The following MAP4 variants were observed in gnomAD, a reference collection of about 807,000 sequenced individuals.
MAP4 encodes microtubule-associated protein 4.
MAP4 carries 76 observed loss-of-function variants against 170.2 expected under a neutral mutation model. That is an observed-to-expected ratio of 0.45 (90% CI 0.37 to 0.54). The LOEUF (loss-of-function observed/expected upper bound fraction) is 0.54. MAP4 is among the 20% of genes least tolerant of loss of function. MAP4 has a pLI of 0.00. For synonymous variants in MAP4, 909 were observed against 994.5 expected, an observed-to-expected ratio of 0.91 and a Z score of 1.62; for missense variants, 2,506 against 2,748.0, an observed-to-expected ratio of 0.91 and a Z score of 1.97.
intron 3 of MAP4, among the ~76,000 whole-genome samples, chr3:47,959,758 CA>C (rs1328400083): frequency 0.085 from 5,648 of 66,420 alleles, 287 homozygotes; most frequent in African/African-American, 0.24. Flanking sequence ...GACTCCATCT[CA>C]AAAAAAAAAA....
intron 10 of MAP4, among the ~76,000 whole-genome samples, chr3:47,897,530 T>G (rs1056064485): frequency 6.6e-6 from 1 of 152,182 alleles, no homozygotes; most frequent in Non-Finnish European, 1.5e-5. Context: ...ATACACAGTA[T>G]GCATACACAT....
intron 1 of MAP4, among the ~76,000 whole-genome samples, chr3:48,009,694 C>G (rs1390287490): frequency 6.6e-6 from 1 of 152,138 alleles, no homozygotes; most frequent in East Asian, 1.9e-4. Context: ...TACTGTTTCT[C>G]CCATAGCCAG....
chr3:47,974,757 C>A, intron 3 of MAP4: 3 of 978,224 alleles, frequency 3.1e-6, no homozygotes, highest in Non-Finnish European at 3.6e-6. Flanking sequence ...TGTTAAGAGT[C>A]CGTCTCCAAA....
chr3:47,957,598 C>T (rs1308153392), intron 3 of MAP4, among the ~76,000 whole-genome samples: 1 of 152,184 alleles, frequency 6.6e-6, no homozygotes, highest in East Asian at 1.9e-4. Flanking sequence ...CAGGCATATG[C>T]CACCATGCCA....
At chr3:48,039,762 T>C (rs1421996577) in intron 1 of MAP4, among the ~76,000 whole-genome samples, 1 of 152,206 alleles carries the variant, frequency 6.6e-6, no homozygotes, top group Non-Finnish European at 1.5e-5. Context: ...ATCTCAAAAG[T>C]CATAGCTTGA....
intron 1 of MAP4, among the ~76,000 whole-genome samples, chr3:48,048,140 AAAGAG>A (rs2100125556): frequency 6.6e-6 from 1 of 152,194 alleles, no homozygotes; most frequent in African/African-American, 2.4e-5. Context: ...AGAAAGTACA[AAAGAG>A]AAAAGAAAAT....
chr3:47,919,593 A>C (rs1170627859), intron 5 of MAP4, among the ~76,000 whole-genome samples: 2 of 150,604 alleles, frequency 1.3e-5, no homozygotes, highest in East Asian at 2.0e-4. Context: ...CAGGTGTGAG[A>C]CACCGCGCCC....
chr3:47,930,394 G>A (rs1271477549), intron 3 of MAP4, among the ~76,000 whole-genome samples: 6 of 150,708 alleles, frequency 4.0e-5, no homozygotes, highest in Middle Eastern at 3.5e-3. Flanking sequence ...GCAGTGAGCC[G>A]AGATTGCGCC....
intron 9 of MAP4, among the ~76,000 whole-genome samples, chr3:47,903,805 C>T (rs2100031445): frequency 1.3e-5 from 2 of 152,142 alleles, no homozygotes; most frequent in South Asian, 4.2e-4. Context: ...TGTCATTAGG[C>T]ATCATGTATA....
chr3:48,006,131 G>A (rs2100102177), intron 1 of MAP4, among the ~76,000 whole-genome samples: 1 of 152,114 alleles, frequency 6.6e-6, no homozygotes. Flanking sequence ...AGACTAATTT[G>A]AATTATAAAA....
chr3:47,894,378 C>A (rs924364252), intron 10 of MAP4, among the ~76,000 whole-genome samples: 1 of 151,808 alleles, frequency 6.6e-6, no homozygotes, highest in South Asian at 2.1e-4. Context: ...GTCAGGAGAT[C>A]GAGACCATCC....
At chr3:47,944,844 T>A (rs1024779596) in intron 3 of MAP4, among the ~76,000 whole-genome samples, 1 of 151,934 alleles carries the variant, frequency 6.6e-6, no homozygotes, top group Non-Finnish European at 1.5e-5. Flanking sequence ...GTTTTTTTTT[T>A]TTAATTATGA....
At chr3:47,979,889 A>G (rs1372335526) in intron 2 of MAP4, among the ~76,000 whole-genome samples, 3 of 151,990 alleles carry the variant, frequency 2.0e-5, no homozygotes, top group African/African-American at 7.3e-5. Context: ...CAGTAGTGCA[A>G]TCGTGGCTCA....
intron 3 of MAP4, among the ~76,000 whole-genome samples, chr3:47,968,835 A>C (rs2100076687): frequency 2.0e-5 from 3 of 152,120 alleles, no homozygotes; most frequent in Admixed American, 2.0e-4. Context: ...AAAATTGACA[A>C]ACTTTTAACT....
intron 10 of MAP4, among the ~76,000 whole-genome samples, chr3:47,883,013 G>A (rs1421777891): frequency 6.6e-6 from 1 of 152,056 alleles, no homozygotes. Context: ...GTTTCGTCAT[G>A]TTGCCCAGGC....
chr3:48,074,723 T>TGTGTGTGA (rs1559906380), intron 1 of MAP4, among the ~76,000 whole-genome samples: 3 of 149,194 alleles, frequency 2.0e-5, no homozygotes, highest in African/African-American at 4.9e-5. Context: ...TGTGTGTGTG[T>TGTGTGTGA]GTGATATGTC....
intron 3 of MAP4, among the ~76,000 whole-genome samples, chr3:47,935,322 A>G (rs1282440864): frequency 6.6e-6 from 1 of 152,230 alleles, no homozygotes; most frequent in Non-Finnish European, 1.5e-5. Context: ...GGGAAGACAC[A>G]CAGCAAGCAA....
At chr3:48,029,043 G>A (rs2100114571) in intron 1 of MAP4, among the ~76,000 whole-genome samples, 1 of 151,984 alleles carries the variant, frequency 6.6e-6, no homozygotes, top group Admixed American at 6.6e-5. Flanking sequence ...CTACTTGGGA[G>A]GCTGAGGTGT....
intron 10 of MAP4, among the ~76,000 whole-genome samples, chr3:47,884,180 C>T (rs1040743779): frequency 3.3e-5 from 5 of 152,144 alleles, no homozygotes; most frequent in Non-Finnish European, 7.4e-5. Flanking sequence ...TCCTTGTAGA[C>T]CATTTTTTCG....
Sources: gnomAD v4.1 joint callset for allele counts (sites outside exome capture counted in the v4.1 genomes callset) on GRCh38, gnomAD v4.1.1 for gene constraint, MANE v1.5 for transcripts, NCBI Gene and HGNC (gene_info 2026-07-23, HGNC 2026-07-21) for gene names.